SCFD1: variants seen among roughly 807,000 people sequenced by gnomAD.
The protein encoded by SCFD1 is sec1 family domain containing 1.
Under a neutral mutation model 103.2 loss-of-function variants are expected in SCFD1, and 37 were observed. That is an observed-to-expected ratio of 0.36 (90% CI 0.28 to 0.47). The LOEUF (loss-of-function observed/expected upper bound fraction) is 0.47. Ranked by LOEUF, SCFD1 falls within the 20% of genes least tolerant of loss-of-function variation. SCFD1 has a pLI of 1.00. For missense variants in SCFD1, 639 were observed against 761.2 expected (o/e 0.84, Z 1.89); for synonymous variants, 264 against 245.0 (o/e 1.08, Z -0.73).
At chr14:30,693,018 A>G (rs1890429381) in intron 14 of SCFD1, among the ~76,000 whole-genome samples, 1 of 152,038 alleles carries the variant, frequency 6.6e-6, no homozygotes, top group Admixed American at 6.6e-5. Flanking sequence ...GGACTTTCTC[A>G]TTTCTAGGAC....
rs75874056 is a variant in SCFD1 at position 30,714,929 on chromosome 14, A to G, written c.1630-995A>G. Among the ~76,000 whole-genome samples, 227 of 152,350 alleles carry G rather than the reference A, an allele frequency of 1.5e-3. 7 individuals carry two copies. The East Asian group carries it at 0.038, about 25-fold the overall frequency. On this transcript the variant is annotated intron_variant, in intron 19 of 24. Transcript: ENST00000458591. ...CTAAATTTGACTTATGTTCAAAATA[A>G]TAAAACTTGTCAGACTGAAATGTAA...
In SCFD1 at chr14:30,643,391, T is replaced by C; in HGVS notation, c.599T>C (p.Phe200Ser). 1 of 1,611,750 alleles carries C rather than the reference T, an allele frequency of 6.2e-7. No individual in the cohort carries two copies. Among genetic ancestry groups the C allele is most frequent in the African/African-American group, 1.3e-5 (1 of 75,004 alleles). The change falls in exon 7 of 25, where the codon TTT becomes TCT. Residue 200 changes from phenylalanine (F) to serine (S), a missense_variant. Phe to Ser is a radical substitution (Grantham distance 155, BLOSUM62 -2). Transcript: ENST00000458591. ...ACTATAGTTGACAGCCTCTTCTGCT[T>C]TTTTGTTACTCTGGGTAAGTTTTCC... ...MDTIVDSLFC[F>S]FVTLGAVPII...
chr14:30,697,973 G>A (rs1381578128), intron 15 of SCFD1, among the ~76,000 whole-genome samples: 1 of 152,176 alleles, frequency 6.6e-6, no homozygotes, highest in African/African-American at 2.4e-5. Flanking sequence ...GATAGTGAAT[G>A]TGTCATGTAG....
At chr14:30,628,114 T>G in intron 1 of SCFD1, 95 bp from the exon 2 acceptor site, 2 of 754,106 alleles carry the variant, frequency 2.7e-6, no homozygotes, top group Non-Finnish European at 4.4e-6. Context: ...CTAGAGTTGA[T>G]TAGTTTATTT....
chr14:30,660,153 T>A (rs1027356270), intron 10 of SCFD1, among the ~76,000 whole-genome samples: 2 of 152,238 alleles, frequency 1.3e-5, no homozygotes, highest in African/African-American at 4.8e-5. Flanking sequence ...TTAGTTGATA[T>A]GGCTCTTAAA....
intron 14 of SCFD1, among the ~76,000 whole-genome samples, chr14:30,681,485 G>A (rs1403716392): frequency 2.6e-5 from 4 of 151,666 alleles, no homozygotes; most frequent in African/African-American, 9.7e-5. Flanking sequence ...CAATACATAG[G>A]ATAAATTTAC....
chr14:30,707,115 A>G (rs1007687112), intron 18 of SCFD1, among the ~76,000 whole-genome samples: 22 of 152,252 alleles, frequency 1.4e-4, no homozygotes, highest in Non-Finnish European at 2.6e-4. Flanking sequence ...TTAATAAAAT[A>G]GACTTTTCAG....
In SCFD1 at chr14:30,622,357, G is replaced by C; in HGVS notation, c.19G>C (p.Ala7Pro). Residue 7 changes from alanine to proline, a missense_variant, in exon 1 of 25, where the codon GCG becomes CCG. Physicochemically the swap from Ala to Pro is conservative, Grantham distance 27. Transcript: ENST00000458591. ...AGCCAAGATGGCGGCGGCGGCGGCA[G>C]CGACAGCAGCAGCAGCAGCCAGTAT... MAAAAA[A>P]TAAAAASIRE... 7.0e-6 allele frequency: 11 copies of C among 1,566,744 alleles called. No individual in the cohort carries two copies. The highest frequency in any genetic ancestry group is 9.5e-6 in the Non-Finnish European group (11 of 1,156,136).
chr14:30,644,396 C>G (rs1885598249), intron 7 of SCFD1, among the ~76,000 whole-genome samples: 1 of 152,148 alleles, frequency 6.6e-6, no homozygotes, highest in Non-Finnish European at 1.5e-5. Context: ...GATGGTAGTT[C>G]TGTTTTAAGT....
At chr14:30,711,633 C>T (rs1249958748) in intron 19 of SCFD1, among the ~76,000 whole-genome samples, 2 of 152,072 alleles carry the variant, frequency 1.3e-5, no homozygotes, top group Non-Finnish European at 2.9e-5. Context: ...AAAATATATA[C>T]AACTTATTTG....
intron 14 of SCFD1, among the ~76,000 whole-genome samples, chr14:30,680,289 G>C (rs1889368142): frequency 6.6e-6 from 1 of 152,160 alleles, no homozygotes; most frequent in Non-Finnish European, 1.5e-5. Flanking sequence ...GTTAGCCAGG[G>C]TTCCCCAGAG....
chr14:30,689,873 G>T (rs1332460959), intron 14 of SCFD1, among the ~76,000 whole-genome samples: 1 of 134,908 alleles, frequency 7.4e-6, no homozygotes, highest in Non-Finnish European at 1.6e-5. Context: ...TTCCTTTGGA[G>T]GAGGAGAGGC....
chr14:30,649,267 G>A (rs1382675578), intron 7 of SCFD1, among the ~76,000 whole-genome samples: 2 of 152,082 alleles, frequency 1.3e-5, no homozygotes, highest in Non-Finnish European at 2.9e-5. Context: ...AGTGTTCACT[G>A]TTCGGGTGAT....
rs1334864780 is a variant in SCFD1 at position 30,675,133 on chromosome 14, G to C, written c.1242+68G>C. 5.2e-6 allele frequency: 4 copies of C among 763,832 alleles called. No homozygotes were observed. In the East Asian group the frequency reaches 1.1e-4, roughly 22 times the overall value. 47.3% of individuals were successfully genotyped at this position (763,832 alleles called of 1,614,324 possible). A position where few individuals can be genotyped will look rare whatever the true frequency, so the allele number is the denominator to read the frequency against. ...CATAGGGTTTTATACTTTGTAAGATGCTTTAGTATTCATTATCTTATTGAG... is the reference window on the plus strand; with the variant it reads ...CATAGGGTTTTATACTTTGTAAGATCCTTTAGTATTCATTATCTTATTGAG... On this transcript the variant is annotated intron_variant, in intron 14 of 24. Coordinates refer to ENST00000458591, the MANE Select transcript of SCFD1 (RefSeq NM_016106.4).
At chr14:30,731,715 C>T (rs1893482879) in intron 23 of SCFD1, among the ~76,000 whole-genome samples, 1 of 152,160 alleles carries the variant, frequency 6.6e-6, no homozygotes, top group Admixed American at 6.5e-5. Flanking sequence ...TATCCTGAGA[C>T]TTTGCTGAAG....
At chr14:30,630,882 C>T (rs1398733843) in intron 3 of SCFD1, 2 of 261,528 alleles carry the variant, frequency 7.6e-6, no homozygotes, top group Non-Finnish European at 1.4e-5. Flanking sequence ...TTCTCCTTGA[C>T]CTACAATGGG....
intron 7 of SCFD1, among the ~76,000 whole-genome samples, chr14:30,648,371 C>T (rs767154122): frequency 1.2e-4 from 18 of 152,082 alleles, no homozygotes; most frequent in Non-Finnish European, 2.4e-4. Flanking sequence ...TTACAGTGTT[C>T]TCAGTTTGTC....
At chr14:30,665,050 A>G (rs1002678012) in intron 10 of SCFD1, among the ~76,000 whole-genome samples, 4 of 152,226 alleles carry the variant, frequency 2.6e-5, no homozygotes, top group Admixed American at 6.5e-5. Flanking sequence ...AGAGAACACC[A>G]CAAAGATACT....
rs79823087 is a variant in SCFD1 at position 30,679,855 on chromosome 14, A to C, written c.1242+4790A>C. Among the ~76,000 whole-genome samples, 129 of 152,284 alleles carry C rather than the reference A, an allele frequency of 8.5e-4. 1 individual carries two copies. In the East Asian group the frequency reaches 0.021, roughly 25 times the overall value. On this transcript the variant is annotated intron_variant, in intron 14 of 24. Transcript: ENST00000458591. The stretch of plus-strand genomic sequence containing the variant: ...GTATGCATATCAAGTGAAAGTTCTT[A>C]TTACCTTGGTGTCTTTTCTTTAAGA...
Sources: gnomAD v4.1 joint callset for allele counts (sites outside exome capture counted in the v4.1 genomes callset) on GRCh38, gnomAD v4.1.1 for gene constraint, MANE v1.5 for transcripts, NCBI Gene and HGNC (gene_info 2026-07-23, HGNC 2026-07-21) for gene names.